Variants in LRRIQ3 observed in about 807,000 individuals in gnomAD.
The protein encoded by LRRIQ3 is leucine-rich repeat and IQ domain-containing protein 3.
LRRIQ3 carries 75 observed loss-of-function variants against 59.3 expected under a neutral mutation model. The ratio of observed to expected loss-of-function variants is 1.26; its 90% CI spans 1.05 to 1.53. The LOEUF (loss-of-function observed/expected upper bound fraction) is 1.53, where lower values mean the gene tolerates loss of function less well. LRRIQ3 is among the 40% of genes most tolerant of loss of function. The pLI is 0.00. For missense variants in LRRIQ3, 831 were observed against 710.0 expected (o/e 1.17, Z -1.94); for synonymous variants, 250 against 231.3 (o/e 1.08, Z -0.73).
intron 6 of LRRIQ3, among the ~76,000 whole-genome samples, chr1:74,049,999 C>T (rs1399924154): frequency 6.6e-6 from 1 of 150,562 alleles, no homozygotes; most frequent in Non-Finnish European, 1.5e-5. Flanking sequence ...TCTCAGCTCA[C>T]TGCAACCTCC....
At chr1:74,103,740 T>C (rs1646566152) in intron 5 of LRRIQ3, among the ~76,000 whole-genome samples, 1 of 151,904 alleles carries the variant, frequency 6.6e-6, no homozygotes, top group Non-Finnish European at 1.5e-5. Flanking sequence ...GTAGCTTCAA[T>C]ATTTTGGCTT....
intron 1 of LRRIQ3, among the ~76,000 whole-genome samples, chr1:74,187,774 C>CAG (rs1215738193): frequency 6.6e-6 from 1 of 152,046 alleles, no homozygotes; most frequent in Non-Finnish European, 1.5e-5. Flanking sequence ...CAAAAAATAA[C>CAG]AGATGCTGGT....
At chr1:74,158,169 CA>C in intron 3 of LRRIQ3, among the ~76,000 whole-genome samples, 1 of 151,974 alleles carries the variant, frequency 6.6e-6, no homozygotes, top group Non-Finnish European at 1.5e-5. Flanking sequence ...TCTTTAACAC[CA>C]CTTCCGTAAC....
At chr1:74,090,586 C>G (rs538673300) in intron 5 of LRRIQ3, among the ~76,000 whole-genome samples, 2 of 151,904 alleles carry the variant, frequency 1.3e-5, no homozygotes, top group Admixed American at 1.3e-4. Context: ...TTTCAAAAAG[C>G]CTTATGAAAG....
At chr1:74,048,230 G>A (rs1232631736) in intron 6 of LRRIQ3, among the ~76,000 whole-genome samples, 1 of 152,170 alleles carries the variant, frequency 6.6e-6, no homozygotes, top group East Asian at 1.9e-4. Flanking sequence ...GCAAACTAGT[G>A]TGTTATTAAT....
Position 74,198,039 on chromosome 1 carries a change from G to A in LRRIQ3, c.-44C>T. On this transcript the variant is annotated 5_prime_UTR_variant, in exon 1 of 8. Transcript: ENST00000354431. The stretch of plus-strand genomic sequence containing the variant: ...AGCCCTTATGAGTTGGAGACAAGTG[G>A]CCCAGCCCCAACACAGTCAGACAAA... 1.3e-6 allele frequency: 1 copy of A among 777,718 alleles called. No individual in the cohort carries two copies. Among genetic ancestry groups the A allele is most frequent in the Non-Finnish European group, 1.9e-6 (1 of 514,536 alleles). The allele number at this position is 777,718 out of a possible 1,614,324, so 48.2% of individuals were successfully genotyped here.
At chr1:74,177,074 TAGAG>T (rs1163467244) in intron 3 of LRRIQ3, among the ~76,000 whole-genome samples, 2 of 152,220 alleles carry the variant, frequency 1.3e-5, no homozygotes, top group Non-Finnish European at 2.9e-5. Flanking sequence ...TTCATTTAGA[TAGAG>T]AGAGCAGGCT....
At chr1:74,032,455 T>C (rs2100362573) in intron 7 of LRRIQ3, among the ~76,000 whole-genome samples, 1 of 152,186 alleles carries the variant, frequency 6.6e-6, no homozygotes, top group Admixed American at 6.6e-5. Context: ...GCAATGGTTC[T>C]CATTTAGGTC....
chr1:74,029,967 T>C (rs1397109601), intron 7 of LRRIQ3, among the ~76,000 whole-genome samples: 8 of 151,862 alleles, frequency 5.3e-5, no homozygotes, highest in African/African-American at 1.9e-4. Flanking sequence ...TTCTTCTAGA[T>C]TTTCTAGTTT....
intron 5 of LRRIQ3, chr1:74,082,265 A>C (rs2100497670): frequency 6.6e-6 from 1 of 151,716 alleles, no homozygotes; most frequent in South Asian, 2.1e-4. Context: ...CTAAATTCTT[A>C]AGCTCCTGAT....
intron 6 of LRRIQ3, among the ~76,000 whole-genome samples, chr1:74,044,771 A>C (rs1038854182): frequency 6.6e-6 from 1 of 152,192 alleles, no homozygotes; most frequent in Non-Finnish European, 1.5e-5. Context: ...AAAAATGATA[A>C]AGGGGATATC....
rs1002172025 is a variant in LRRIQ3 at position 74,026,868 on chromosome 1, A to C, written c.1820T>G (p.Val607Gly). 6.2e-7 allele frequency: 1 copy of C among 1,608,708 alleles called. No homozygotes were observed. The highest frequency in any genetic ancestry group is 8.5e-7 in the Non-Finnish European group (1 of 1,177,546). The change falls in exon 8 of 8, where the codon GTA (valine) becomes GGA (glycine). Residue 607 changes from valine to glycine, a missense_variant. Transcript: ENST00000354431. ...CERLQDAKTK[V>G]AIVKTNLDFK... Reference sequence around the variant, plus strand: ...GTCTAAATTTGTTTTCACAATTGCTACTTTTGTTTTAGCATCTTGAAGTCT... The same window carrying C: ...GTCTAAATTTGTTTTCACAATTGCTCCTTTTGTTTTAGCATCTTGAAGTCT...
intron 3 of LRRIQ3, among the ~76,000 whole-genome samples, chr1:74,163,375 G>A (rs992859418): frequency 1.3e-5 from 2 of 151,432 alleles, no homozygotes; most frequent in South Asian, 4.1e-4. Flanking sequence ...GGATCACTTG[G>A]TAAACACTGA....
At chr1:74,148,344 G>C (rs974933853) in intron 4 of LRRIQ3, among the ~76,000 whole-genome samples, 19 of 152,166 alleles carry the variant, frequency 1.2e-4, no homozygotes, top group African/African-American at 3.9e-4. Context: ...GAGTTCTTCA[G>C]TGCCTGAGGC....
chr1:74,100,888 C>T (rs535120385), intron 5 of LRRIQ3, among the ~76,000 whole-genome samples: 13 of 152,256 alleles, frequency 8.5e-5, no homozygotes, highest in East Asian at 7.7e-4. Context: ...GCCTTCCTTA[C>T]ACCTTATACA....
At chr1:74,090,067 A>G (rs1417778714) in intron 5 of LRRIQ3, among the ~76,000 whole-genome samples, 1 of 152,190 alleles carries the variant, frequency 6.6e-6, no homozygotes, top group East Asian at 1.9e-4. Context: ...AAAGAAGCCA[A>G]GTAAATATGA....
chr1:74,142,978 G>A (rs1040257645), intron 4 of LRRIQ3, among the ~76,000 whole-genome samples: 2 of 151,950 alleles, frequency 1.3e-5, no homozygotes, highest in African/African-American at 4.8e-5. Context: ...TTGAAAGAAA[G>A]CAAACACACA....
chr1:74,075,907 G>A (rs1646202110), intron 5 of LRRIQ3, among the ~76,000 whole-genome samples: 1 of 152,158 alleles, frequency 6.6e-6, no homozygotes, highest in Non-Finnish European at 1.5e-5. Flanking sequence ...TGGAGGAAAA[G>A]GGAAATGACA....
chr1:74,099,792 C>A (rs1434294462), intron 5 of LRRIQ3, among the ~76,000 whole-genome samples: 1 of 152,052 alleles, frequency 6.6e-6, no homozygotes, highest in Admixed American at 6.6e-5. Flanking sequence ...ATAAACAGAA[C>A]CAAAGACAAA....
Sources: allele counts gnomAD v4.1 joint callset (sites outside exome capture counted in the v4.1 genomes callset), GRCh38; gene constraint gnomAD v4.1.1; transcripts MANE v1.5; gene names NCBI Gene and HGNC (gene_info 2026-07-23, HGNC 2026-07-21).